Variants in MBD5 observed in about 807,000 individuals in gnomAD.
The protein encoded by MBD5 is methyl-CpG binding domain protein 5, also known as methyl-CpG-binding domain protein 5.
A neutral mutation model predicts 117.3 loss-of-function variants in MBD5; 13 were observed. That is an observed-to-expected ratio of 0.11 (90% CI 0.07 to 0.18). The LOEUF (loss-of-function observed/expected upper bound fraction) is 0.18. MBD5 is among the 10% of genes least tolerant of loss of function. The pLI is 1.00. For synonymous variants in MBD5, 727 were observed against 766.4 expected, an observed-to-expected ratio of 0.95 and a Z score of 0.85; for missense variants, 1,879 against 2,093.8, an observed-to-expected ratio of 0.90 and a Z score of 2.00.
intron 1 of MBD5, among the ~76,000 whole-genome samples, chr2:148,039,152 A>T (rs1694286688): frequency 6.6e-6 from 1 of 152,090 alleles, no homozygotes; most frequent in Non-Finnish European, 1.5e-5. Context: ...TTCAAAATAT[A>T]ATATGGTGAT....
intron 4 of MBD5, among the ~76,000 whole-genome samples, chr2:148,367,535 C>G (rs1703736946): frequency 6.6e-6 from 1 of 152,130 alleles, no homozygotes; most frequent in African/African-American, 2.4e-5. Context: ...TCAGAGTGAA[C>G]AGGCAACCTA....
chr2:148,333,361 T>C (rs1702709089), intron 3 of MBD5, among the ~76,000 whole-genome samples: 1 of 152,218 alleles, frequency 6.6e-6, no homozygotes, highest in African/African-American at 2.4e-5. Context: ...TATTGTTTTA[T>C]TGAATATCTT....
At chr2:148,375,533 C>A (rs1030797982) in intron 4 of MBD5, among the ~76,000 whole-genome samples, 1 of 152,166 alleles carries the variant, frequency 6.6e-6, no homozygotes, top group African/African-American at 2.4e-5. Context: ...CGTTTGCTTC[C>A]AATTTCAAAT....
chr2:148,483,787 A>G lies in MBD5; in HGVS notation c.3196A>G (p.Thr1066Ala). The change falls in exon 9 of 14, where the codon ACT becomes GCT. Residue 1066 changes from threonine (T) to alanine (A), a missense_variant. By Grantham distance (58) the Thr-to-Ala change is moderately conservative. Transcript: ENST00000642680. ...NPLPSFAGSD[T>A]TFNPLFLPAV... ...TTTACCAAGCTTTGCAGGCAGTGAC[A>G]CTACTTTTAACCCCCTGTTCCTCCC... is the stretch of plus-strand genomic sequence containing the variant. 1.3e-6 allele frequency: 2 copies of G among 1,550,586 alleles called. No homozygotes were observed.
intron 4 of MBD5, among the ~76,000 whole-genome samples, chr2:148,426,831 C>T (rs1705807825): frequency 6.6e-6 from 1 of 152,116 alleles, no homozygotes; most frequent in Non-Finnish European, 1.5e-5. Flanking sequence ...AACTTCTACC[C>T]AGCAAAAGAA....
chr2:148,373,040 A>G (rs998972641), intron 4 of MBD5, among the ~76,000 whole-genome samples: 1 of 152,164 alleles, frequency 6.6e-6, no homozygotes, highest in Non-Finnish European at 1.5e-5. Flanking sequence ...CACATAGTTT[A>G]GCTGTGGATA....
intron 13 of MBD5, among the ~76,000 whole-genome samples, chr2:148,510,808 C>G (rs190935551): frequency 6.6e-6 from 1 of 152,258 alleles, no homozygotes; most frequent in Admixed American, 6.5e-5. Context: ...ATTTTGTAAT[C>G]CAACCAAACC....
chr2:148,022,205 C>A (rs1424970114), intron 1 of MBD5, among the ~76,000 whole-genome samples: 1 of 152,130 alleles, frequency 6.6e-6, no homozygotes, highest in Non-Finnish European at 1.5e-5. Context: ...ATATTGACTT[C>A]AGTGTTGGAA....
chr2:148,507,329 T>C (rs1682063403), intron 12 of MBD5, among the ~76,000 whole-genome samples: 1 of 152,244 alleles, frequency 6.6e-6, no homozygotes, highest in Non-Finnish European at 1.5e-5. Context: ...CAAATATCCA[T>C]TTTCTTCATT....
chr2:148,361,051 A>G (rs547994660), intron 4 of MBD5, among the ~76,000 whole-genome samples: 4 of 152,070 alleles, frequency 2.6e-5, no homozygotes, highest in Non-Finnish European at 5.9e-5. Flanking sequence ...AATAAGAAAA[A>G]AAGTGCTGGG....
At chr2:148,337,457 C>T (rs1011102998) in intron 3 of MBD5, among the ~76,000 whole-genome samples, 5 of 152,078 alleles carry the variant, frequency 3.3e-5, no homozygotes, top group African/African-American at 9.7e-5. Flanking sequence ...ACATCTTACA[C>T]GAAGAAAGCA....
intron 2 of MBD5, among the ~76,000 whole-genome samples, chr2:148,210,979 A>G (rs1032028477): frequency 2.6e-5 from 4 of 152,112 alleles, no homozygotes; most frequent in African/African-American, 9.7e-5. Flanking sequence ...TGCTGAAGTA[A>G]ATTTTTCTCC....
intron 1 of MBD5, among the ~76,000 whole-genome samples, chr2:148,156,174 A>G (rs1012535529): frequency 3.3e-5 from 5 of 152,262 alleles, no homozygotes; most frequent in African/African-American, 1.2e-4. Flanking sequence ...ATAATTTTAA[A>G]CAATCATACA....
At chr2:148,440,797 C>A (rs951507261) in intron 4 of MBD5, among the ~76,000 whole-genome samples, 1 of 152,138 alleles carries the variant, frequency 6.6e-6, no homozygotes, top group African/African-American at 2.4e-5. Context: ...ACAGGTAACT[C>A]TAGGCAGGAT....
At chr2:148,360,181 A>C (rs904781825) in intron 4 of MBD5, among the ~76,000 whole-genome samples, 1 of 152,172 alleles carries the variant, frequency 6.6e-6, no homozygotes, top group Non-Finnish European at 1.5e-5. Flanking sequence ...TGTCTCTTTT[A>C]TATAAATAAA....
At chr2:148,397,153 AT>A (rs1200972081) in intron 4 of MBD5, among the ~76,000 whole-genome samples, 7 of 151,900 alleles carry the variant, frequency 4.6e-5, no homozygotes, top group Non-Finnish European at 8.8e-5. Flanking sequence ...ATCTCTATGA[AT>A]TTTTTTTAAG....
intron 4 of MBD5, among the ~76,000 whole-genome samples, chr2:148,366,149 C>G (rs983834954): frequency 1.3e-5 from 2 of 152,058 alleles, no homozygotes; most frequent in Non-Finnish European, 2.9e-5. Flanking sequence ...GACTTCATAC[C>G]TGGGATGCAA....
chr2:148,490,348 C>A lies in MBD5; in HGVS notation c.4716C>A (p.Asp1572Glu). 1 of 1,614,158 alleles carries A rather than the reference C, an allele frequency of 6.2e-7. No individual in the cohort carries two copies. The stretch of plus-strand genomic sequence containing the variant: ...AAGACTACATCCATTACAATGGAGA[C>A]TTTAATGCCAAAAGCGTTAATGGGT... ...LVKDYIHYNG[D>E]FNAKSVNGCV... is the part of the protein sequence containing the mutation. The change falls in exon 11 of 14, where the codon GAC (aspartate) becomes GAA (glutamate). Residue 1572 changes from aspartate to glutamate, a missense_variant. Asp to Glu is a conservative substitution (Grantham distance 45, BLOSUM62 2). Coordinates refer to ENST00000642680, the MANE Select transcript of MBD5 (RefSeq NM_001378120.1).
intron 8 of MBD5, 107 bp from the exon 9 acceptor site, chr2:148,483,003 C>G (rs890433545): frequency 2.4e-6 from 3 of 1,259,918 alleles, no homozygotes; most frequent in Non-Finnish European, 2.2e-6. Context: ...ATGAAGGTGC[C>G]ATGGAACAAA....
Sources: gnomAD v4.1 joint callset for allele counts (sites outside exome capture counted in the v4.1 genomes callset) on GRCh38, gnomAD v4.1.1 for gene constraint, MANE v1.5 for transcripts, NCBI Gene and HGNC (gene_info 2026-07-23, HGNC 2026-07-21) for gene names.